RARB: variants seen among roughly 807,000 people sequenced by gnomAD.
The protein encoded by RARB is retinoic acid receptor beta, also known as HBV-activated protein.
RARB carries 17 observed loss-of-function variants against 51.9 expected under a neutral mutation model. That is an observed-to-expected ratio of 0.33 (90% CI 0.22 to 0.49). The LOEUF (loss-of-function observed/expected upper bound fraction) is 0.49. RARB is among the 20% of genes least tolerant of loss of function. The pLI is 0.99. For missense variants in RARB, 369 were observed against 550.8 expected (o/e 0.67, Z 3.30); for synonymous variants, 215 against 195.4 (o/e 1.10, Z -0.84).
chr3:25,148,985 T>C (rs1700239302), intron 4 of RARB, among the ~76,000 whole-genome samples: 1 of 152,054 alleles, frequency 6.6e-6, no homozygotes, highest in African/African-American at 2.4e-5. Context: ...TAGAAAAATA[T>C]GAGATAAGTA....
intron 3 of RARB, among the ~76,000 whole-genome samples, chr3:25,524,029 G>T (rs994241519): frequency 6.6e-6 from 1 of 152,134 alleles, no homozygotes; most frequent in Non-Finnish European, 1.5e-5. Flanking sequence ...ATTTTCTGTG[G>T]GGTTTCACTG....
chr3:25,281,692 T>A (rs939002595), intron 5 of RARB, among the ~76,000 whole-genome samples: 2 of 152,204 alleles, frequency 1.3e-5, no homozygotes, highest in Admixed American at 1.3e-4. Flanking sequence ...CTAAGCGTCA[T>A]GCCAGCTCTG....
At chr3:25,415,693 C>A (rs1389645089) in intron 5 of RARB, among the ~76,000 whole-genome samples, 2 of 152,160 alleles carry the variant, frequency 1.3e-5, no homozygotes, top group African/African-American at 4.8e-5. Flanking sequence ...TACAGTGAGG[C>A]CATTCTAATT....
chr3:25,063,471 C>G lies in RARB; in HGVS notation c.-328+3295C>G, dbSNP rs550618116. The stretch of plus-strand genomic sequence containing the variant: ...TACCTTCTATTTGAAGTAAGTGAAG[C>G]CAATTTAGTATTTATGGCAGTGTCA... On this transcript the variant is annotated intron_variant, in intron 3 of 11. Transcript: ENST00000383772. Among the ~76,000 whole-genome samples, 62 of 151,926 alleles carry G rather than the reference C, an allele frequency of 4.1e-4. 2 individuals are homozygous for G. The East Asian group carries it at 0.011, about 27-fold the overall frequency.
At chr3:24,872,094 G>A (rs1478830413) in intron 2 of RARB, among the ~76,000 whole-genome samples, 1 of 152,120 alleles carries the variant, frequency 6.6e-6, no homozygotes, top group East Asian at 1.9e-4. Flanking sequence ...GTCCTCGAAT[G>A]ATTCCCCATT....
At chr3:25,233,062 GT>G (rs1702219468) in intron 5 of RARB, among the ~76,000 whole-genome samples, 1 of 138,116 alleles carries the variant, frequency 7.2e-6, no homozygotes, top group African/African-American at 2.8e-5. Flanking sequence ...TGCAACCTCT[GT>G]CTTCTGGGTT....
At chr3:25,022,959 T>C (rs1206345195) in intron 2 of RARB, among the ~76,000 whole-genome samples, 1 of 152,146 alleles carries the variant, frequency 6.6e-6, no homozygotes, top group East Asian at 1.9e-4. Flanking sequence ...CAGAAGATCA[T>C]CACCAGACCC....
At chr3:24,895,628 C>CA (rs1559386379) in intron 2 of RARB, among the ~76,000 whole-genome samples, 13 of 135,532 alleles carry the variant, frequency 9.6e-5, no homozygotes, top group African/African-American at 3.2e-4. Context: ...TTTTTTTTTT[C>CA]CTTGAGAAGG....
At chr3:24,941,878 G>T (rs999632173) in intron 2 of RARB, among the ~76,000 whole-genome samples, 1 of 152,150 alleles carries the variant, frequency 6.6e-6, no homozygotes, top group Non-Finnish European at 1.5e-5. Flanking sequence ...AAACTTAAGC[G>T]TAAACTTAAT....
upstream of RARB, among the ~76,000 whole-genome samples, chr3:25,425,610 T>G: frequency 6.6e-6 from 1 of 152,166 alleles, no homozygotes; most frequent in East Asian, 1.9e-4. Context: ...GTTGAGAACT[T>G]CAAGGTAATT....
intron 3 of RARB, among the ~76,000 whole-genome samples, chr3:25,503,268 G>A (rs1292162124): frequency 6.6e-6 from 1 of 152,238 alleles, no homozygotes; most frequent in Non-Finnish European, 1.5e-5. Flanking sequence ...ATTCCTATGT[G>A]TGAGATTCAC....
chr3:25,444,045 T>G (rs1218338836), intron 1 of RARB, among the ~76,000 whole-genome samples: 5 of 152,232 alleles, frequency 3.3e-5, no homozygotes, highest in African/African-American at 1.2e-4. Context: ...CGATTGATTT[T>G]TATTAAAGTA....
chr3:25,144,653 A>G (rs749377345), intron 4 of RARB, among the ~76,000 whole-genome samples: 8 of 152,214 alleles, frequency 5.3e-5, no homozygotes, highest in Non-Finnish European at 8.8e-5. Context: ...ATTGATGTTA[A>G]CATTAGGTAG....
intron 5 of RARB, among the ~76,000 whole-genome samples, chr3:25,238,840 A>T (rs997077232): frequency 6.6e-6 from 1 of 152,108 alleles, no homozygotes; most frequent in African/African-American, 2.4e-5. Context: ...TTAGCCAGGC[A>T]TGATGGCGCG....
At chr3:25,214,728 G>C (rs979543315) in intron 5 of RARB, among the ~76,000 whole-genome samples, 2 of 152,084 alleles carry the variant, frequency 1.3e-5, no homozygotes, top group East Asian at 3.9e-4. Flanking sequence ...CCTCACTTTG[G>C]GCTAGGTTCT....
At chr3:25,181,445 G>A (rs1700858529) in intron 5 of RARB, among the ~76,000 whole-genome samples, 1 of 152,168 alleles carries the variant, frequency 6.6e-6, no homozygotes. Context: ...AATGGTTTTT[G>A]CTGGTGAGGG....
At chr3:25,042,253 ACT>A (rs1559444927) in intron 2 of RARB, among the ~76,000 whole-genome samples, 1 of 152,156 alleles carries the variant, frequency 6.6e-6, no homozygotes, top group Non-Finnish European at 1.5e-5. Flanking sequence ...AATCTCCCAA[ACT>A]CTACTTGTTC....
intron 3 of RARB, among the ~76,000 whole-genome samples, chr3:25,130,301 G>T (rs1196374835): frequency 6.6e-6 from 1 of 151,854 alleles, no homozygotes; most frequent in Non-Finnish European, 1.5e-5. Context: ...TGTCTTTTAG[G>T]GCTCAGCTAA....
chr3:25,207,353 T>G (rs1339404563), intron 5 of RARB, among the ~76,000 whole-genome samples: 1 of 152,226 alleles, frequency 6.6e-6, no homozygotes, highest in African/African-American at 2.4e-5. Flanking sequence ...ATCTTAACAA[T>G]GAGAAATTTG....
Sources: gnomAD v4.1 joint callset for allele counts (sites outside exome capture counted in the v4.1 genomes callset) on GRCh38, gnomAD v4.1.1 for gene constraint, MANE v1.5 for transcripts, NCBI Gene and HGNC (gene_info 2026-07-23, HGNC 2026-07-21) for gene names.